The following SNTG2 variants were observed in gnomAD, a reference collection of about 807,000 sequenced individuals.
The protein encoded by SNTG2 is gamma-2-syntrophin.
A neutral mutation model predicts 70.9 loss-of-function variants in SNTG2; 74 were observed. The observed-to-expected ratio is 1.04, with a 90% CI of 0.86 to 1.27. SNTG2 has a LOEUF of 1.27. Among genes scored for constraint, SNTG2 ranks in the 50% most tolerant of loss-of-function variants. The pLI is 0.00. For missense variants in SNTG2, 717 were observed against 690.7 expected (o/e 1.04, Z -0.43); for synonymous variants, 278 against 273.8 (o/e 1.02, Z -0.15).
intron 14 of SNTG2, among the ~76,000 whole-genome samples, chr2:1,281,222 T>TGTGTATTTG (rs1163874696): frequency 2.8e-5 from 4 of 143,236 alleles, no homozygotes; most frequent in Non-Finnish European, 3.1e-5. Flanking sequence ...TGTGTGTGTT[T>TGTGTATTTG]GTGTTTATGT....
intron 4 of SNTG2, among the ~76,000 whole-genome samples, chr2:1,131,931 T>C (rs529475937): frequency 6.6e-6 from 1 of 152,186 alleles, no homozygotes. Flanking sequence ...ATTATAGGCG[T>C]GAGCCACCGC....
chr2:1,150,580 G>A (rs1194159693), intron 6 of SNTG2, among the ~76,000 whole-genome samples: 1 of 152,152 alleles, frequency 6.6e-6, no homozygotes, highest in African/African-American at 2.4e-5. Context: ...ATGGGGAGGA[G>A]ATGTTTTTCT....
chr2:1,068,404 C>T (rs578109864), intron 1 of SNTG2: 3 of 152,224 alleles, frequency 2.0e-5, no homozygotes, highest in South Asian at 2.1e-4. Context: ...TTTCCACAGT[C>T]GAGATGGTAA....
intron 4 of SNTG2, among the ~76,000 whole-genome samples, 190 bp from the exon 5 acceptor site, chr2:1,137,432 A>G (rs891757381): frequency 2.6e-5 from 4 of 151,696 alleles, no homozygotes; most frequent in Non-Finnish European, 5.9e-5. Flanking sequence ...CCACACATGC[A>G]CACACATGCA....
chr2:1,140,814 A>G (rs898897591), intron 6 of SNTG2, among the ~76,000 whole-genome samples: 46 of 47,456 alleles, frequency 9.7e-4, no homozygotes, highest in Admixed American at 1.9e-3. Flanking sequence ...CTTAAGTGCT[A>G]TGAAAACCAT....
At chr2:1,029,897 T>C (rs4971328) in intron 1 of SNTG2, among the ~76,000 whole-genome samples, 64,784 of 152,076 alleles carry the variant, frequency 0.43, 14,683 homozygotes, top group African/African-American at 0.58. Context: ...CTCTGGCTTT[T>C]CCCTGTTAGG....
intron 1 of SNTG2, among the ~76,000 whole-genome samples, chr2:1,047,003 A>G (rs77660302): frequency 0.02 from 2,980 of 152,194 alleles, 88 homozygotes; most frequent in African/African-American, 0.069. Flanking sequence ...TCAGTCAGTC[A>G]TAGGTTTTGT....
At chr2:1,232,645 A>C (rs1253032278) in intron 9 of SNTG2, among the ~76,000 whole-genome samples, 1 of 152,198 alleles carries the variant, frequency 6.6e-6, no homozygotes, top group East Asian at 1.9e-4. Flanking sequence ...CCTGAACTTA[A>C]ATTAGCCCTC....
Position 1,222,099 on chromosome 2 carries a change from C to CTCTCTG in SNTG2, c.719+12875_719+12880dup, listed in dbSNP as rs1229024467. 2.3e-3 allele frequency among the ~76,000 whole-genome samples: 33 copies of CTCTCTG among 14,594 alleles called. 8 individuals are homozygous for CTCTCTG. The highest frequency in any genetic ancestry group is 8.4e-3 in the African/African-American group (31 of 3,702). The allele number at this position is 14,594 out of a possible 152,430, so 9.6% of individuals were successfully genotyped here. On this transcript the variant is annotated intron_variant, in intron 9 of 16. Transcript: ENST00000308624. ...TCTCTGTCTCTGTCTCTCTCTGTCT[C>CTCTCTG]TCTCTGTCTCTCTCTGTCTCTCTCT...
intron 1 of SNTG2, among the ~76,000 whole-genome samples, chr2:1,048,682 C>T (rs777621359): frequency 2.6e-5 from 4 of 152,054 alleles, no homozygotes; most frequent in South Asian, 4.1e-4. Context: ...CTCTGTTGAG[C>T]GAAAACCTGA....
At chr2:1,272,410 A>C (rs2148191994) in intron 14 of SNTG2, among the ~76,000 whole-genome samples, 1 of 145,466 alleles carries the variant, frequency 6.9e-6, no homozygotes, top group South Asian at 2.3e-4. Context: ...ATGCTCACTA[A>C]CCCAGCTCCT....
At chr2:1,268,286 A>G (rs1288152478) in intron 14 of SNTG2, among the ~76,000 whole-genome samples, 5 of 152,158 alleles carry the variant, frequency 3.3e-5, no homozygotes, top group African/African-American at 7.2e-5. Flanking sequence ...AGCGCGGAGA[A>G]TGCTGAGTGT....
At chr2:1,150,091 A>T (rs1269662777) in intron 6 of SNTG2, among the ~76,000 whole-genome samples, 1 of 152,252 alleles carries the variant, frequency 6.6e-6, no homozygotes, top group East Asian at 1.9e-4. Context: ...CTCTGAGCGA[A>T]TGGTGACTTA....
chr2:958,557 A>G (rs1200103872), intron 1 of SNTG2, among the ~76,000 whole-genome samples: 14 of 152,234 alleles, frequency 9.2e-5, no homozygotes, highest in Non-Finnish European at 8.8e-5. Flanking sequence ...TCAATTACCT[A>G]CACTGTAATT....
intron 1 of SNTG2, among the ~76,000 whole-genome samples, chr2:953,185 CTAAGT>C (rs1472985050): frequency 6.6e-6 from 1 of 152,084 alleles, no homozygotes; most frequent in Non-Finnish European, 1.5e-5. Context: ...ATGTTTTTTT[CTAAGT>C]TAAGTGAGTT....
chr2:1,110,332 T>C (rs1002063550), intron 4 of SNTG2, among the ~76,000 whole-genome samples: 1 of 152,218 alleles, frequency 6.6e-6, no homozygotes, highest in African/African-American at 2.4e-5. Context: ...TTTATTGTTC[T>C]CTAGAATTTT....
chr2:1,254,316 A>T lies in SNTG2; in HGVS notation c.1006-5054A>T, dbSNP rs78598048. On this transcript the variant is annotated intron_variant, in intron 12 of 16. Coordinates refer to ENST00000308624, the MANE Select transcript of SNTG2 (RefSeq NM_018968.4). Reference sequence around the variant, plus strand: ...GAGATTAAAGCCGGGACTCTCAACAACTCACACACCCTACTCTCCCTCGTT... The same window carrying T: ...GAGATTAAAGCCGGGACTCTCAACATCTCACACACCCTACTCTCCCTCGTT... Among the ~76,000 whole-genome samples the T allele has an allele frequency of 1.3e-4, 20 of 152,194 alleles. No homozygotes were observed. The East Asian group carries it at 3.9e-3, about 29-fold the overall frequency.
chr2:1,363,114 A>C, intron 16 of SNTG2, among the ~76,000 whole-genome samples: 1 of 135,318 alleles, frequency 7.4e-6, no homozygotes, highest in African/African-American at 2.7e-5. Flanking sequence ...CTCCTGTGAA[A>C]CCCTCACAAA....
intron 1 of SNTG2, among the ~76,000 whole-genome samples, chr2:1,022,268 C>T (rs189997027): frequency 6.6e-6 from 1 of 151,810 alleles, no homozygotes; most frequent in Non-Finnish European, 1.5e-5. Context: ...CCCTTTGTTC[C>T]CATAAATTCC....
Sources: gnomAD v4.1 joint callset for allele counts (sites outside exome capture counted in the v4.1 genomes callset) on GRCh38, gnomAD v4.1.1 for gene constraint, MANE v1.5 for transcripts, NCBI Gene and HGNC (gene_info 2026-07-23, HGNC 2026-07-21) for gene names.